LRRC73: variants seen among roughly 807,000 people sequenced by gnomAD.
The protein encoded by LRRC73 is leucine-rich repeat-containing protein 73.
Under a neutral mutation model 26.4 loss-of-function variants are expected in LRRC73, and 16 were observed. The observed-to-expected ratio is 0.61, with a 90% CI of 0.41 to 0.92. The LOEUF is 0.92. Ranked by LOEUF, LRRC73 falls within the 40% of genes least tolerant of loss-of-function variation. LRRC73 has a pLI of 0.00. For missense variants in LRRC73, 344 were observed against 416.3 expected (o/e 0.83, Z 1.51); for synonymous variants, 210 against 179.8 (o/e 1.17, Z -1.34).
At chr6:43,508,035 CAT>C in intron 3 of LRRC73, 109 bp from the exon 4 acceptor site, 1 of 1,091,230 alleles carries the variant, frequency 9.2e-7, no homozygotes, top group Non-Finnish European at 1.3e-6. Context: ...GCCAAGGAAA[CAT>C]GGACAATTGG....
chr6:43,507,707 T>C lies in LRRC73; in HGVS notation c.658-29A>G, dbSNP rs756694954. On this transcript the variant is annotated intron_variant, in intron 4 of 5. Coordinates refer to ENST00000372441, the Ensembl canonical transcript of LRRC73. ...AAGTGGGGAAGAATATGGAAAAGGA[T>C]GAACACAGTTAAGGCAGGTCCTCAG... 9.3e-6 allele frequency: 15 copies of C among 1,610,030 alleles called. No individual in the cohort carries two copies. In the Middle Eastern group the frequency reaches 4.9e-4, roughly 53 times the overall value.
intron 3 of LRRC73, 63 bp from the exon 4 acceptor site, chr6:43,507,989 C>T (rs1041803723): frequency 2.1e-6 from 3 of 1,417,964 alleles, no homozygotes; most frequent in Admixed American, 1.9e-5. Context: ...CAGATAGCTT[C>T]CCCATTGCCT....
At chr6:43,509,976 A>G (rs1312184267) in exon 1 of LRRC73, 2 of 389,028 alleles carry the variant, frequency 5.1e-6, no homozygotes, top group African/African-American at 2.2e-5. Context: ...GAGAAGAGCT[A>G]CCGGGACTGA....
chr6:43,509,468 G>A (rs1265110929), intron 1 of LRRC73, 46 bp downstream of exon 1: 3 of 1,567,568 alleles, frequency 1.9e-6, no homozygotes, highest in East Asian at 4.5e-5. Context: ...GGGAGTGTAT[G>A]GAAGGGTGCA....
At chr6:43,508,952 A>T in intron 1 of LRRC73, 32 bp from the exon 2 acceptor site, 1 of 1,546,264 alleles carries the variant, frequency 6.5e-7, no homozygotes, top group African/African-American at 1.4e-5. Flanking sequence ...GGGTTACTGC[A>T]GTCCTCCGCA....
Position 43,508,694 on chromosome 6 carries a change from T to G in LRRC73, c.433+66A>C, listed in dbSNP as rs963280554. ...ATCAGAGCTCTGGGGCCACACCCCC[T>G]TCCCTCTGCATTTCGATTTTCATCA... On this transcript the variant is annotated intron_variant, in intron 2 of 5. Transcript: ENST00000372441. 50 of 1,534,128 alleles carry G rather than the reference T, an allele frequency of 3.3e-5. No homozygotes were observed. In the Admixed American group the frequency reaches 8.3e-4, roughly 26 times the overall value.
chr6:43,509,448 G>T, intron 1 of LRRC73, 66 bp downstream of exon 1: 2 of 1,521,276 alleles, frequency 1.3e-6, no homozygotes. Flanking sequence ...GGAGGAACAG[G>T]AGGTGCCAGG....
Position 43,507,337 on chromosome 6 carries a change from C to G in LRRC73, c.881-29G>C. 5 of 1,613,360 alleles carry G rather than the reference C, an allele frequency of 3.1e-6. No individual in the cohort carries two copies. In the South Asian group the frequency reaches 5.5e-5, roughly 18 times the overall value. ...TGGAAGGGCAGAGAAGTGTTCAGAC[C>G]ACCATTCCTTCCTCCAATGGGGACC... On this transcript the variant is annotated intron_variant, in intron 5 of 5. Coordinates refer to ENST00000372441, the Ensembl canonical transcript of LRRC73.
exon 4 of LRRC73, chr6:43,507,926 C>T (rs1459412609): frequency 6.2e-7 from 1 of 1,613,562 alleles, no homozygotes; most frequent in South Asian, 1.1e-5. Context: ...CACATGGTCA[C>T]CTGGGGAGAC....
At chr6:43,509,540 C>T in exon 1 of LRRC73, 1 of 1,609,336 alleles carries the variant, frequency 6.2e-7, no homozygotes, top group South Asian at 1.1e-5. Flanking sequence ...AGCGGTTGGT[C>T]CGCAGAGCCT....
chr6:43,508,224 G>A, intron 3 of LRRC73, 74 bp downstream of exon 3: 1 of 1,529,094 alleles, frequency 6.5e-7, no homozygotes, highest in Non-Finnish European at 8.8e-7. Context: ...GGGTTACCAT[G>A]TCAACTGATG....
Position 43,507,936 on chromosome 6 carries a change from C to A in LRRC73, c.557-10G>T. The A allele has an allele frequency of 1.2e-6, 2 of 1,611,662 alleles. No homozygotes were observed. Among genetic ancestry groups the A allele is most frequent in the Non-Finnish European group, 1.7e-6 (2 of 1,178,096 alleles). On this transcript the variant is annotated splice_polypyrimidine_tract_variant and intron_variant, in intron 3 of 5. Coordinates refer to ENST00000372441, the Ensembl canonical transcript of LRRC73. ...CCTGCCACATGGTCACCTGGGGAGA[C>A]AACACACGTGCACACATTCATACAC...
At chr6:43,508,619 C>T (rs1792578334) in intron 2 of LRRC73, 141 bp downstream of exon 2, 2 of 1,391,936 alleles carry the variant, frequency 1.4e-6, no homozygotes, top group Non-Finnish European at 9.8e-7. Flanking sequence ...CATGCTGCCC[C>T]CCGTCCTGCC....
At chr6:43,508,148 G>C in intron 3 of LRRC73, 150 bp downstream of exon 3, 1 of 1,235,178 alleles carries the variant, frequency 8.1e-7, no homozygotes, top group Non-Finnish European at 1.1e-6. Context: ...TTGGTCACCT[G>C]GTCCGCCACA....
chr6:43,507,397 C>T, intron 5 of LRRC73, 59 bp downstream of exon 5: 3 of 1,609,372 alleles, frequency 1.9e-6, no homozygotes, highest in African/African-American at 2.7e-5. Context: ...TGCACACCCA[C>T]TCTCCCTTGT....
At chr6:43,507,778 A>G in intron 4 of LRRC73, 48 bp downstream of exon 4, 1 of 1,598,996 alleles carries the variant, frequency 6.3e-7, no homozygotes, top group East Asian at 2.2e-5. Flanking sequence ...CACATAAACT[A>G]ACCTCCACCC....
chr6:43,509,331 G>A (rs1244053036), intron 1 of LRRC73, among the ~76,000 whole-genome samples, 183 bp downstream of exon 1: 1 of 152,222 alleles, frequency 6.6e-6, no homozygotes, highest in East Asian at 1.9e-4. Context: ...CTAGGGTCGC[G>A]CGTGCAAAGT....
rs6924483 is a variant in LRRC73 at position 43,507,736 on chromosome 6, T to C, written c.658-58A>G. On this transcript the variant is annotated intron_variant, in intron 4 of 5. Transcript: ENST00000372441. ...CACAGTTAAGGCAGGTCCTCAGACCTCAACCTGCCATGCCTTAGGTATGTC... is the reference window on the plus strand; with the variant it reads ...CACAGTTAAGGCAGGTCCTCAGACCCCAACCTGCCATGCCTTAGGTATGTC... 0.075 allele frequency: 119,762 copies of C among 1,587,080 alleles called. 9,354 individuals are homozygous for C. Among genetic ancestry groups the C allele is most frequent in the African/African-American group, 0.41 (30,364 of 74,350 alleles).
chr6:43,507,779 ACCT>A (rs1261746697), intron 4 of LRRC73, 44 bp downstream of exon 4: 1 of 1,598,546 alleles, frequency 6.3e-7, no homozygotes, highest in Admixed American at 1.7e-5. Flanking sequence ...ACATAAACTA[ACCT>A]CCACCCCATC....
Sources: gnomAD v4.1 joint callset for allele counts (sites outside exome capture counted in the v4.1 genomes callset) on GRCh38, gnomAD v4.1.1 for gene constraint, MANE v1.5 for transcripts, NCBI Gene and HGNC (gene_info 2026-07-23, HGNC 2026-07-21) for gene names.